TENM1: variants seen among roughly 807,000 people sequenced by gnomAD.
The protein encoded by TENM1 is teneurin-1.
A neutral mutation model predicts 174.8 loss-of-function variants in TENM1; 35 were observed. The ratio of observed to expected loss-of-function variants is 0.20; its 90% CI spans 0.15 to 0.27. The LOEUF (loss-of-function observed/expected upper bound fraction) is 0.27, where lower values mean the gene tolerates loss of function less well. TENM1 is among the 10% of genes least tolerant of loss of function. TENM1 has a pLI of 1.00. For synonymous variants in TENM1, 781 were observed against 798.7 expected, an observed-to-expected ratio of 0.98 and a Z score of 0.37; for missense variants, 1,633 against 2,130.1, an observed-to-expected ratio of 0.77 and a Z score of 4.59.
chrX:124,497,865 G>A (rs1441379744), intron 19 of TENM1, among the ~76,000 whole-genome samples: 3 of 111,731 alleles, frequency 2.7e-5, no homozygotes, highest in Admixed American at 1.9e-4. Context: ...GCAGGAAATA[G>A]AGATACTGAC....
chrX:124,810,894 T>C (rs1048063206), intron 3 of TENM1, among the ~76,000 whole-genome samples: 2 of 111,271 alleles, frequency 1.8e-5, no homozygotes, highest in Non-Finnish European at 3.8e-5. Flanking sequence ...AATAAACCCA[T>C]GGATTTATAG....
the TENM1 span, among the ~76,000 whole-genome samples, chrX:125,043,313 T>A: frequency 1.4e-4 from 1 of 7,334 alleles, no homozygotes; most frequent in Non-Finnish European, 2.4e-4. Flanking sequence ...CAAACAAATT[T>A]ACAAGAAAAA....
chrX:124,757,388 C>T (rs951955802), intron 3 of TENM1, among the ~76,000 whole-genome samples: 1 of 112,377 alleles, frequency 8.9e-6, no homozygotes, highest in Non-Finnish European at 1.9e-5. Context: ...TTTCCAGGTG[C>T]CGTCTATCAC....
intron 22 of TENM1, among the ~76,000 whole-genome samples, chrX:124,474,144 T>A (rs1287065574): frequency 1.8e-5 from 2 of 111,598 alleles, no homozygotes; most frequent in Non-Finnish European, 3.8e-5. Flanking sequence ...GTCATTATTA[T>A]AATTATTATG....
chrX:124,570,799 C>A (rs2049037894), intron 11 of TENM1, among the ~76,000 whole-genome samples: 1 of 111,145 alleles, frequency 9.0e-6, no homozygotes, highest in South Asian at 3.7e-4. Flanking sequence ...CTACAACACC[C>A]CATAGCAAAC....
chrX:124,972,769 T>C, the TENM1 span, among the ~76,000 whole-genome samples: 1 of 111,999 alleles, frequency 8.9e-6, no homozygotes, highest in African/African-American at 3.2e-5. Context: ...CTCCAGAAAA[T>C]GATGGCTTTC....
intron 3 of TENM1, among the ~76,000 whole-genome samples, chrX:124,778,577 T>C (rs2054836983): frequency 8.9e-6 from 1 of 112,105 alleles, no homozygotes; most frequent in Admixed American, 9.5e-5. Context: ...ATTCTAAAGG[T>C]ATGTCAGCTT....
intron 3 of TENM1, among the ~76,000 whole-genome samples, chrX:124,887,397 G>A (rs1442864711): frequency 9.9e-5 from 11 of 111,098 alleles, no homozygotes. Flanking sequence ...AAAATTTGGG[G>A]AATTATATAT....
At chrX:124,895,662 T>C (rs978230278) in intron 2 of TENM1, among the ~76,000 whole-genome samples, 4 of 112,314 alleles carry the variant, frequency 3.6e-5, no homozygotes, top group African/African-American at 1.3e-4. Flanking sequence ...CTATAATAAA[T>C]TCTACTAGTA....
At chrX:124,490,788 G>A (rs1214936233) in intron 20 of TENM1, among the ~76,000 whole-genome samples, 2 of 111,913 alleles carry the variant, frequency 1.8e-5, no homozygotes, top group African/African-American at 3.2e-5. Context: ...TGCTTAATGA[G>A]TTTTCTAATA....
At chrX:124,843,774 T>C (rs892431575) in intron 3 of TENM1, among the ~76,000 whole-genome samples, 3 of 111,660 alleles carry the variant, frequency 2.7e-5, no homozygotes, top group African/African-American at 6.5e-5. Context: ...TGATGCAGAT[T>C]TCAGCTGGGC....
intron 3 of TENM1, among the ~76,000 whole-genome samples, chrX:124,872,297 A>C (rs888082417): frequency 5.4e-5 from 6 of 111,813 alleles, no homozygotes; most frequent in Non-Finnish European, 9.4e-5. Context: ...ACAAGGCTAC[A>C]AATTTTCGCA....
intron 1 of TENM1, among the ~76,000 whole-genome samples, chrX:124,936,711 T>C (rs1261829403): frequency 1.8e-5 from 2 of 111,960 alleles, no homozygotes; most frequent in African/African-American, 6.5e-5. Flanking sequence ...AGGTACAATC[T>C]TGATGAACAG....
Position 124,952,868 on chromosome X carries a change from C to T in TENM1, c.217+10669G>A, listed in dbSNP as rs768566009. On this transcript the variant is annotated intron_variant, in intron 1 of 31. Coordinates refer to ENST00000422452, the Ensembl canonical transcript of TENM1. The stretch of plus-strand genomic sequence containing the variant: ...CTTCATGTGTCACAAGAATGACTGG[C>T]ACCAAAATAGCACTGCATATGGCTC... Among the ~76,000 whole-genome samples, 3 of 111,679 alleles carry T rather than the reference C, an allele frequency of 2.7e-5. No homozygotes were observed. In the Admixed American group the frequency reaches 2.9e-4, roughly 11 times the overall value.
intron 21 of TENM1, 150 bp downstream of exon 24, chrX:124,487,059 G>T (rs1245992789): frequency 4.4e-5 from 22 of 502,560 alleles, no homozygotes; most frequent in Non-Finnish European, 6.5e-5. Flanking sequence ...TCTTTTGGAA[G>T]ACACTTACCT....
chrX:124,620,701 TA>T (rs1267127879), intron 11 of TENM1, among the ~76,000 whole-genome samples: 2 of 112,321 alleles, frequency 1.8e-5, no homozygotes. Flanking sequence ...GATGGATTAC[TA>T]CAGTATTCTG....
chrX:124,476,915 C>A (rs945741072), intron 22 of TENM1, among the ~76,000 whole-genome samples: 2 of 112,537 alleles, frequency 1.8e-5, no homozygotes, highest in Admixed American at 1.9e-4. Flanking sequence ...ACTCCATCAA[C>A]CTCTTTTCGA....
chrX:124,541,822 C>T (rs894424193), intron 15 of TENM1, among the ~76,000 whole-genome samples: 2 of 112,264 alleles, frequency 1.8e-5, no homozygotes, highest in African/African-American at 6.5e-5. Flanking sequence ...TGTCCTTCCC[C>T]TTGAATCTAG....
At chrX:125,164,676 G>A in the TENM1 span, among the ~76,000 whole-genome samples, 43 of 111,571 alleles carry the variant, frequency 3.9e-4, no homozygotes, top group African/African-American at 1.1e-3. Context: ...TTTTTTCATC[G>A]GACTAAGAAT....
Sources: allele counts gnomAD v4.1 joint callset (sites outside exome capture counted in the v4.1 genomes callset), GRCh38; gene constraint gnomAD v4.1.1; transcripts MANE v1.5; gene names NCBI Gene and HGNC (gene_info 2026-07-23, HGNC 2026-07-21).